CNOT7: variants seen among roughly 807,000 people sequenced by gnomAD.
The protein encoded by CNOT7 is CCR4-NOT transcription complex subunit 7, also known as BTG1-binding factor 1.
In CNOT7, 4 loss-of-function variants were observed where a neutral mutation model predicts 37.1. That is an observed-to-expected ratio of 0.11 (90% CI 0.05 to 0.25). The LOEUF is 0.25. Among genes scored for constraint, CNOT7 ranks in the 10% least tolerant of loss-of-function variants. The probability of loss-of-function intolerance (pLI) is 1.00; values close to 1 mark genes in which losing one functional copy is unlikely to be tolerated. For missense variants in CNOT7, 170 were observed against 336.2 expected (o/e 0.51, Z 3.87); for synonymous variants, 128 against 115.6 (o/e 1.11, Z -0.69).
At chr8:17,233,987 G>A (rs568956233) in intron 5 of CNOT7, among the ~76,000 whole-genome samples, 1 of 152,288 alleles carries the variant, frequency 6.6e-6, no homozygotes, top group East Asian at 1.9e-4. Flanking sequence ...CCGGGAGGCG[G>A]AGGTTGCAGT....
chr8:17,234,693 G>A (rs757594766), intron 5 of CNOT7, 23 bp downstream of exon 5: 2 of 1,612,908 alleles, frequency 1.2e-6, no homozygotes, highest in East Asian at 4.5e-5. Flanking sequence ...TGCTGCTGTA[G>A]ATAATGCCAT....
chr8:17,244,901 G>C, intron 2 of CNOT7, 135 bp downstream of exon 2: 2 of 708,112 alleles, frequency 2.8e-6, no homozygotes, highest in Non-Finnish European at 4.8e-6. Context: ...TTTGGCTGGA[G>C]GGCAGTGACA....
rs918306340 is a variant in CNOT7, at chr8:17,225,872, ATTTAT to A, written c.*4843_*4847del. On this transcript the variant is annotated 3_prime_UTR_variant, in exon 7 of 7. Transcript: ENST00000361272. ...TCCCTTTATTTATAAATTCTAACAC[ATTTAT>A]TTTATAGACATGAGATAACATATGC... is the stretch of plus-strand genomic sequence containing the variant. 8 of 151,656 alleles carry A rather than the reference ATTTAT, an allele frequency of 5.3e-5. No homozygotes were observed. The East Asian group carries it at 9.7e-4, about 18-fold the overall frequency. The allele number at this position is 151,656 out of a possible 1,614,324, so 9.4% of individuals were successfully genotyped here. A position where few individuals can be genotyped will look rare whatever the true frequency, so the allele number is the denominator to read the frequency against.
intron 6 of CNOT7, chr8:17,231,962 G>C: frequency 1.0e-6 from 1 of 988,760 alleles, no homozygotes; most frequent in Non-Finnish European, 1.2e-6. Context: ...TCAAAGCACT[G>C]AAGAATGACA....
At position 17,225,449 on chromosome 8, in the gene CNOT7, C is replaced by A. The variant is rs1275602835; in HGVS notation, c.*5271G>T. 6.6e-6 allele frequency: 1 copy of A among 151,736 alleles called. No individual in the cohort carries two copies. The highest frequency in any genetic ancestry group is 1.5e-5 in the Non-Finnish European group (1 of 67,702). The allele number at this position is 151,736 out of a possible 1,614,324, so 9.4% of individuals were successfully genotyped here. On this transcript the variant is annotated 3_prime_UTR_variant, in exon 7 of 7. Transcript: ENST00000361272. ...TAATTCTGGAGAAATGTAGCTTGTTCATTCACCTACAGACTATGGCTACAA... is the reference window on the plus strand; with the variant it reads ...TAATTCTGGAGAAATGTAGCTTGTTAATTCACCTACAGACTATGGCTACAA...
At chr8:17,236,981 C>T (rs1161973917) in intron 4 of CNOT7, among the ~76,000 whole-genome samples, 1 of 152,178 alleles carries the variant, frequency 6.6e-6, no homozygotes, top group Non-Finnish European at 1.5e-5. Context: ...TTTAGAGAAC[C>T]TGTACTGTTT....
At chr8:17,231,440 T>C in intron 6 of CNOT7, 1 of 736,340 alleles carries the variant, frequency 1.4e-6, no homozygotes, top group Non-Finnish European at 1.7e-6. Context: ...ATGAAACAAT[T>C]GGAAGGAGTC....
chr8:17,234,451 A>T (rs1425959506), intron 5 of CNOT7: 1 of 406,404 alleles, frequency 2.5e-6, no homozygotes, highest in African/African-American at 2.0e-5. Flanking sequence ...TGTGATTTTC[A>T]ATCTGGCAAG....
chr8:17,232,176 A>G (rs971114078), intron 6 of CNOT7: 8 of 1,244,662 alleles, frequency 6.4e-6, no homozygotes, highest in South Asian at 3.6e-5. Context: ...TTGGACCTAC[A>G]TGACTTCTCA....
At chr8:17,245,631 G>A (rs536298376) in intron 1 of CNOT7, among the ~76,000 whole-genome samples, 145 of 152,310 alleles carry the variant, frequency 9.5e-4, no homozygotes, top group African/African-American at 3.3e-3. Flanking sequence ...CCATGGCAAA[G>A]ATGGTGTTTA....
chr8:17,230,530 G>GTTT lies in CNOT7; in HGVS notation c.*187_*189dup. ...TTAAGGCCAAATTTAACCTGAATGC[G>GTTT]TTTTTTTTTTTCTTTTTATTAAGAT... On this transcript the variant is annotated 3_prime_UTR_variant, in exon 7 of 7. Transcript: ENST00000361272. 3.0e-6 allele frequency: 1 copy of GTTT among 330,248 alleles called. No individual in the cohort carries two copies. Among genetic ancestry groups the GTTT allele is most frequent in the Non-Finnish European group, 5.4e-6 (1 of 184,218 alleles). The allele number at this position is 330,248 out of a possible 1,614,324, so 20.5% of individuals were successfully genotyped here.
Position 17,227,784 on chromosome 8 carries a change from C to T in CNOT7, c.*2936G>A, listed in dbSNP as rs1808259418. 2 of 151,788 alleles carry T rather than the reference C, an allele frequency of 1.3e-5. No homozygotes were observed. Among genetic ancestry groups the T allele is most frequent in the South Asian group, 2.1e-4 (1 of 4,830 alleles). 9.4% of individuals were successfully genotyped at this position (151,788 alleles called of 1,614,324 possible). The stretch of plus-strand genomic sequence containing the variant: ...TGTACCAGCATATAATAAAATAGTC[C>T]ATATTCCAATGTGCCTTGAAAGTGT... On this transcript the variant is annotated 3_prime_UTR_variant, in exon 7 of 7. Coordinates refer to ENST00000361272, the MANE Select transcript of CNOT7 (RefSeq NM_013354.7).
Position 17,243,404 on chromosome 8 carries a change from A to G in CNOT7, c.118-219T>C, listed in dbSNP as rs541641066. 33 of 645,220 alleles carry G rather than the reference A, an allele frequency of 5.1e-5. No homozygotes were observed. The Admixed American group carries it at 6.4e-4, about 13-fold the overall frequency. The allele number at this position is 645,220 out of a possible 1,614,324, so 40.0% of individuals were successfully genotyped here. A position where few individuals can be genotyped will look rare whatever the true frequency, so the allele number is the denominator to read the frequency against. On this transcript the variant is annotated intron_variant, in intron 2 of 6. Coordinates refer to ENST00000361272, the MANE Select transcript of CNOT7 (RefSeq NM_013354.7). ...CCTTAAATATATCCAAAAAGTTACT[A>G]TACGAGATACATGTGATAAATTTAA...
chr8:17,237,495 G>A, intron 3 of CNOT7, 122 bp from the exon 4 acceptor site: 1 of 776,998 alleles, frequency 1.3e-6, no homozygotes, highest in East Asian at 2.6e-5. Context: ...GAGTCCACCT[G>A]TTTCAATGCT....
At chr8:17,231,014 A>G (rs113317445) in intron 6 of CNOT7, among the ~76,000 whole-genome samples, 166 bp from the exon 7 acceptor site, 106 of 152,260 alleles carry the variant, frequency 7.0e-4, no homozygotes, top group African/African-American at 2.3e-3. Flanking sequence ...GAGTAAGACT[A>G]ATGTCCTCAA....
chr8:17,235,692 T>G lies in CNOT7; in HGVS notation c.474-832A>C, dbSNP rs541022802. 3.3e-5 allele frequency among the ~76,000 whole-genome samples: 5 copies of G among 152,312 alleles called. No individual in the cohort carries two copies. In the South Asian group the frequency reaches 8.3e-4, roughly 25 times the overall value. ...CTCTAACAGGAAGCCTATATGACATTTGCTCACTAACATTAAAAGATTATA... is the reference window on the plus strand; with the variant it reads ...CTCTAACAGGAAGCCTATATGACATGTGCTCACTAACATTAAAAGATTATA... On this transcript the variant is annotated intron_variant, in intron 4 of 6. Transcript: ENST00000361272.
intron 3 of CNOT7, among the ~76,000 whole-genome samples, chr8:17,238,550 T>G (rs185825969): frequency 6.6e-6 from 1 of 151,358 alleles, no homozygotes. Flanking sequence ...AGCTTTCCTA[T>G]GCTAAAAATA....
intron 6 of CNOT7, chr8:17,231,711 G>C (rs752281006): frequency 1.0e-6 from 1 of 985,224 alleles, no homozygotes; most frequent in Non-Finnish European, 1.2e-6. Context: ...ATAGCTAGGT[G>C]TATCTGTGCA....
At chr8:17,245,395 C>A in intron 1 of CNOT7, 148 bp from the exon 2 acceptor site, 1 of 390,436 alleles carries the variant, frequency 2.6e-6, no homozygotes, top group Non-Finnish European at 4.5e-6. Flanking sequence ...AACTTAAGGT[C>A]ACACAGCTAG....
Sources: gnomAD v4.1 joint callset for allele counts (sites outside exome capture counted in the v4.1 genomes callset) on GRCh38, gnomAD v4.1.1 for gene constraint, MANE v1.5 for transcripts, NCBI Gene and HGNC (gene_info 2026-07-23, HGNC 2026-07-21) for gene names.